Variants in PSME4 observed in about 807,000 individuals in gnomAD.
PSME4 encodes the protein proteasome activator subunit 4.
PSME4 carries 89 observed loss-of-function variants against 253.9 expected under a neutral mutation model. The ratio of observed to expected loss-of-function variants is 0.35; its 90% confidence interval spans 0.30 to 0.42. The LOEUF (loss-of-function observed/expected upper bound fraction) is 0.42, where lower values mean the gene tolerates loss of function less well. PSME4 is among the 10% of genes least tolerant of loss of function. The pLI, the probability that PSME4 is intolerant of heterozygous loss-of-function variation, is 1.00. For missense variants in PSME4, 2,014 were observed against 2,195.2 expected (o/e 0.92, Z 1.65); for synonymous variants, 851 against 759.2 (o/e 1.12, Z -1.99).
Position 53,923,039 on chromosome 2 carries a change from T to C in PSME4, c.1978+10A>G, listed in dbSNP as rs1017286067. On this transcript the variant is annotated intron_variant, in intron 16 of 46. Coordinates refer to ENST00000404125, the MANE Select transcript of PSME4 (RefSeq NM_014614.3). ...AATTGTAAAGAGAGAATAATGACCT[T>C]ATGACTTACTCATTGTAAGCTGAGT... 8.4e-6 allele frequency: 13 copies of C among 1,540,760 alleles called. No individual in the cohort carries two copies. In the African/African-American group the frequency reaches 1.2e-4, roughly 15 times the overall value.
intron 4 of PSME4, among the ~76,000 whole-genome samples, chr2:53,938,765 C>T (rs963372931): frequency 6.6e-6 from 1 of 151,826 alleles, no homozygotes; most frequent in Non-Finnish European, 1.5e-5. Context: ...AATCATACTG[C>T]AATCTTCTAT....
intron 41 of PSME4, among the ~76,000 whole-genome samples, chr2:53,881,134 T>C (rs926095848): frequency 6.6e-6 from 1 of 152,184 alleles, no homozygotes; most frequent in Admixed American, 6.5e-5. Context: ...TATACTAAAC[T>C]ATGTTAACCA....
intron 2 of PSME4, 56 bp from the exon 3 acceptor site, chr2:53,948,593 A>G: frequency 9.6e-7 from 1 of 1,039,784 alleles, no homozygotes; most frequent in Non-Finnish European, 1.5e-6. Flanking sequence ...AGATGTGTGT[A>G]TACCACAAAT....
At chr2:53,932,901 G>C in intron 8 of PSME4, 141 bp from the exon 9 acceptor site, 3 of 623,806 alleles carry the variant, frequency 4.8e-6, no homozygotes, top group South Asian at 2.3e-5. Flanking sequence ...CTTTAAATAA[G>C]AGTCAAAAAC....
In PSME4 at chr2:53,865,990, C is replaced by G. The variant is rs1415471902; in HGVS notation, c.*4+95G>C. ...CCCGCCATCCAACTTTATCTAAACACTGACATCTAAGAATGTCAGCAAAAA... is the reference window on the plus strand; with the variant it reads ...CCCGCCATCCAACTTTATCTAAACAGTGACATCTAAGAATGTCAGCAAAAA... On this transcript the variant is annotated intron_variant, in intron 46 of 46. Coordinates refer to ENST00000404125, the MANE Select transcript of PSME4 (RefSeq NM_014614.3). The G allele has an allele frequency of 3.9e-6, 5 of 1,268,274 alleles. No individual in the cohort carries two copies. The African/African-American group carries it at 7.7e-5, about 19-fold the overall frequency. The allele number at this position is 1,268,274 out of a possible 1,614,324, so 78.6% of individuals were successfully genotyped here.
At chr2:53,936,279 G>A in intron 6 of PSME4, 118 bp from the exon 7 acceptor site, 1 of 1,393,232 alleles carries the variant, frequency 7.2e-7, no homozygotes, top group East Asian at 2.7e-5. Context: ...TACTTAAATA[G>A]ATAGTTTATG....
At chr2:53,918,280 G>A (rs973761043) in intron 20 of PSME4, among the ~76,000 whole-genome samples, 1 of 152,100 alleles carries the variant, frequency 6.6e-6, no homozygotes, top group Non-Finnish European at 1.5e-5. Context: ...AATGGTCTTA[G>A]TATATTTAAA....
intron 17 of PSME4, among the ~76,000 whole-genome samples, chr2:53,921,855 G>A (rs185440042): frequency 0.016 from 1,447 of 89,342 alleles, 28 homozygotes; most frequent in Non-Finnish European, 0.025. Flanking sequence ...GCGACAGAGC[G>A]AGACTCCGTC....
chr2:53,903,146 G>C (rs1186892134), intron 27 of PSME4, among the ~76,000 whole-genome samples: 1 of 152,136 alleles, frequency 6.6e-6, no homozygotes, highest in African/African-American at 2.4e-5. Context: ...CATGCCCATA[G>C]ATTTCAATTA....
At position 53,934,759 on chromosome 2, in the gene PSME4, T is replaced by C. The variant is rs765419162; in HGVS notation, c.835-32A>G. Reference sequence around the variant, plus strand: ...AAAGAAAAAAATAAGTAAGGATATTTACAGGTATCAAAATAATTCTTTAGC... The same window carrying C: ...AAAGAAAAAAATAAGTAAGGATATTCACAGGTATCAAAATAATTCTTTAGC... On this transcript the variant is annotated intron_variant, in intron 7 of 46. Transcript: ENST00000404125. The C allele has an allele frequency of 8.0e-6, 12 of 1,490,864 alleles. No homozygotes were observed. The South Asian group carries it at 1.4e-4, about 17-fold the overall frequency. 92.4% of individuals were successfully genotyped at this position (1,490,864 alleles called of 1,614,324 possible).
rs554850449 is a variant in PSME4, at chr2:53,951,073, T to C, written c.243-1790A>G. Among the ~76,000 whole-genome samples, 10 of 152,132 alleles carry C rather than the reference T, an allele frequency of 6.6e-5. No individual in the cohort carries two copies. In the East Asian group the frequency reaches 1.7e-3, roughly 26 times the overall value. ...CCCAGTACCTGAGATCAAATAAAACTTACATTTAACTTCTTTTTTTTCCCC... is the reference window on the plus strand; with the variant it reads ...CCCAGTACCTGAGATCAAATAAAACCTACATTTAACTTCTTTTTTTTCCCC... On this transcript the variant is annotated intron_variant, in intron 1 of 46. Transcript: ENST00000404125.
chr2:53,970,552 T>C lies in PSME4; in HGVS notation c.233A>G (p.Lys78Arg). The C allele has an allele frequency of 6.5e-7, 1 of 1,547,636 alleles. No homozygotes were observed. The highest frequency in any genetic ancestry group is 8.7e-7 in the Non-Finnish European group (1 of 1,146,630). ...GCCCGGGCACACTTACGTGGAGAGT[T>C]TCCTGGTCCAGAAGAGGCCCCCGGG... is the stretch of plus-strand genomic sequence containing the variant. ...LWPGGLFWTRKLSTYIRLYGR... is the reference protein window; with the variant it reads ...LWPGGLFWTRRLSTYIRLYGR... Residue 78 changes from lysine to arginine, a missense_variant, in exon 1 of 47, where the codon AAA becomes AGA. Around this residue, in one of 4 missense-constraint regions of PSME4, gnomAD observed 615 missense variants for 594.4 expected, o/e 1.03. Transcript: ENST00000404125.
intron 38 of PSME4, among the ~76,000 whole-genome samples, chr2:53,888,494 A>G (rs530961529): frequency 1.3e-5 from 2 of 152,302 alleles, no homozygotes; most frequent in South Asian, 4.1e-4. Context: ...TGCTGACTCT[A>G]ATTTGTGTTT....
chr2:53,951,003 C>A (rs1005408630), intron 1 of PSME4, among the ~76,000 whole-genome samples: 1 of 152,056 alleles, frequency 6.6e-6, no homozygotes, highest in African/African-American at 2.4e-5. Context: ...TGTAAGTCAA[C>A]GGGAAAAAGA....
intron 14 of PSME4, among the ~76,000 whole-genome samples, chr2:53,925,162 G>T (rs1272480778): frequency 6.6e-6 from 1 of 152,096 alleles, no homozygotes; most frequent in Non-Finnish European, 1.5e-5. Context: ...TCACCAATAA[G>T]AAGCAAAAAA....
chr2:53,866,601 A>AT (rs1678576143), intron 45 of PSME4, 146 bp downstream of exon 45: 1 of 866,142 alleles, frequency 1.2e-6, no homozygotes, highest in Admixed American at 3.3e-5. Context: ...TAATTTTTTA[A>AT]TAATTACTGG....
intron 41 of PSME4, among the ~76,000 whole-genome samples, chr2:53,878,562 T>A (rs997933772): frequency 3.9e-5 from 6 of 152,200 alleles, no homozygotes; most frequent in Non-Finnish European, 7.3e-5. Flanking sequence ...ATCGCTGAAT[T>A]CTTTTTCTCA....
At chr2:53,891,044 A>G (rs1679882987) in intron 36 of PSME4, among the ~76,000 whole-genome samples, 1 of 152,166 alleles carries the variant, frequency 6.6e-6, no homozygotes, top group Non-Finnish European at 1.5e-5. Context: ...AAAACAAAAC[A>G]AATCTCTCAT....
At chr2:53,878,560 A>G (rs568815785) in intron 41 of PSME4, among the ~76,000 whole-genome samples, 22 of 152,364 alleles carry the variant, frequency 1.4e-4, no homozygotes, top group African/African-American at 5.1e-4. Context: ...ATATCGCTGA[A>G]TTCTTTTTCT....
Sources: allele counts gnomAD v4.1 joint callset (sites outside exome capture counted in the v4.1 genomes callset), GRCh38; gene constraint gnomAD v4.1.1; regional missense constraint gnomAD v4.1.1; transcripts MANE v1.5; gene names NCBI Gene and HGNC (gene_info 2026-07-23, HGNC 2026-07-21).